The following USP45 variants were observed in gnomAD, a reference collection of about 807,000 sequenced individuals.
USP45 encodes ubiquitin specific peptidase 45, also known as ubiquitin carboxyl-terminal hydrolase 45.
In USP45, 89 loss-of-function variants were observed where a neutral mutation model predicts 95.8. The ratio of observed to expected loss-of-function variants is 0.93; its 90% CI spans 0.78 to 1.11. USP45 has a LOEUF of 1.11. Ranked by LOEUF, USP45 falls within the 50% of genes least tolerant of loss-of-function variation. The pLI is 0.00. For synonymous variants in USP45, 281 were observed against 316.2 expected, an observed-to-expected ratio of 0.89 and a Z score of 1.18; for missense variants, 898 against 942.5, an observed-to-expected ratio of 0.95 and a Z score of 0.62.
rs1582910821 is a variant in USP45 at position 99,435,478 on chromosome 6, T to C, written c.*238A>G. The C allele has an allele frequency of 3.1e-6, 1 of 323,338 alleles. No homozygotes were observed. The highest frequency in any genetic ancestry group is 5.6e-6 in the Non-Finnish European group (1 of 180,128). The allele number at this position is 323,338 out of a possible 1,614,324, so 20.0% of individuals were successfully genotyped here. ...TCCTACTGTAAATTCTGGGAAGTTT[T>C]TGTACCCCAGAATAAATACCTGGAA... On this transcript the variant is annotated 3_prime_UTR_variant, in exon 18 of 18. Transcript: ENST00000500704.
chr6:99,510,223 G>A lies in USP45; in HGVS notation c.-3C>T. Reference sequence around the variant, plus strand: ...TTAGTTGGATCTTTCACCCGCATCTGTTATTTACTGAAGGGATTGAGGGAA... The same window carrying A: ...TTAGTTGGATCTTTCACCCGCATCTATTATTTACTGAAGGGATTGAGGGAA... On this transcript the variant is annotated 5_prime_UTR_variant, in exon 2 of 18. Transcript: ENST00000500704. 6.2e-7 allele frequency: 1 copy of A among 1,612,254 alleles called. No individual in the cohort carries two copies. The highest frequency in any genetic ancestry group is 8.5e-7 in the Non-Finnish European group (1 of 1,178,872).
chr6:99,437,171 ATAACT>A, intron 17 of USP45, 70 bp downstream of exon 17: 1 of 1,449,072 alleles, frequency 6.9e-7, no homozygotes, highest in Non-Finnish European at 9.3e-7. Flanking sequence ...CTATGAAATA[ATAACT>A]TAGCTCTCCC....
intron 8 of USP45, among the ~76,000 whole-genome samples, chr6:99,481,670 C>G (rs1054449036): frequency 7.9e-5 from 12 of 152,248 alleles, no homozygotes; most frequent in African/African-American, 2.9e-4. Flanking sequence ...CTCCCTCAAT[C>G]TCTCCCACCT....
chr6:99,504,752 G>C (rs1397352987), intron 4 of USP45, among the ~76,000 whole-genome samples: 2 of 152,124 alleles, frequency 1.3e-5, no homozygotes, highest in East Asian at 3.9e-4. Flanking sequence ...ACATTTGACA[G>C]TTTTGGTTCT....
chr6:99,435,606 G>T lies in USP45; in HGVS notation c.*110C>A. On this transcript the variant is annotated 3_prime_UTR_variant, in exon 18 of 18. Coordinates refer to ENST00000500704, the MANE Select transcript of USP45 (RefSeq NM_001346022.3). ...GTGAAAAAGTTCAGGACCATTTGAG[G>T]AACATGCTATTCCTACAGAAGAGGG... The T allele has an allele frequency of 1.1e-6, 1 of 911,136 alleles. No individual in the cohort carries two copies. 56.4% of individuals were successfully genotyped at this position (911,136 alleles called of 1,614,324 possible).
At chr6:99,487,633 C>CAAAAAAAAAA (rs11335830) in intron 7 of USP45, among the ~76,000 whole-genome samples, 15 of 106,368 alleles carry the variant, frequency 1.4e-4, no homozygotes, top group East Asian at 5.7e-4. Context: ...ACTAAAAATA[C>CAAAAAAAAAA]AAAAAAAAAA....
At chr6:99,451,384 C>T (rs144703338) in intron 13 of USP45, among the ~76,000 whole-genome samples, 22,309 of 152,110 alleles carry the variant, frequency 0.15, 2,350 homozygotes, top group Non-Finnish European at 0.21. Context: ...TTCTTATACA[C>T]CAATAATAGA....
At chr6:99,517,779 G>C (rs921253125), upstream of USP45, among the ~76,000 whole-genome samples, 9 of 151,500 alleles carry the variant, frequency 5.9e-5, no homozygotes, top group Non-Finnish European at 1.3e-4. Flanking sequence ...CAGATATCAA[G>C]TATATATTTT....
At chr6:99,457,654 A>C (rs1044860375) in intron 13 of USP45, among the ~76,000 whole-genome samples, 7 of 152,228 alleles carry the variant, frequency 4.6e-5, no homozygotes, top group Admixed American at 1.3e-4. Context: ...ATAACTAATA[A>C]AAATAGCTGT....
chr6:99,444,196 G>A (rs1782051408), intron 14 of USP45, among the ~76,000 whole-genome samples: 1 of 151,922 alleles, frequency 6.6e-6, no homozygotes, highest in Non-Finnish European at 1.5e-5. Flanking sequence ...AACGTTTTTT[G>A]TAGACATGGG....
At chr6:99,492,196 T>C (rs1389390718) in intron 5 of USP45, among the ~76,000 whole-genome samples, 2 of 152,092 alleles carry the variant, frequency 1.3e-5, no homozygotes, top group Non-Finnish European at 2.9e-5. Flanking sequence ...GAAAAACAGA[T>C]TTTCCCCCTC....
intron 9 of USP45, among the ~76,000 whole-genome samples, chr6:99,469,586 C>A (rs1177681495): frequency 1.3e-5 from 2 of 149,940 alleles, no homozygotes; most frequent in African/African-American, 4.9e-5. Context: ...TTCAAGTGAT[C>A]CTACTGCCTC....
chr6:99,484,670 C>T (rs756901373), intron 7 of USP45, among the ~76,000 whole-genome samples: 4 of 151,926 alleles, frequency 2.6e-5, no homozygotes, highest in South Asian at 2.1e-4. Context: ...TGTAGTGGCA[C>T]GTGCCTGCAG....
chr6:99,469,096 T>C (rs1248310926), intron 9 of USP45, among the ~76,000 whole-genome samples: 1 of 152,166 alleles, frequency 6.6e-6, no homozygotes, highest in Non-Finnish European at 1.5e-5. Context: ...CTCATTTATA[T>C]ACACATATAA....
rs1562282384 is a variant in USP45, at chr6:99,433,311, CTTTAA to C, written c.*2400_*2404del. ...CAGTTTCTAAATAAAGCTAATGAAA[CTTTAA>C]TTCATTCAAACACTATGGTAGTTAT... On this transcript the variant is annotated 3_prime_UTR_variant, in exon 18 of 18. Coordinates refer to ENST00000500704, the MANE Select transcript of USP45 (RefSeq NM_001346022.3). 1.3e-5 allele frequency: 2 copies of C among 152,528 alleles called. No individual in the cohort carries two copies. The highest frequency in any genetic ancestry group is 2.9e-5 in the Non-Finnish European group (2 of 67,988). The allele number at this position is 152,528 out of a possible 1,614,324, so 9.4% of individuals were successfully genotyped here. A position where few individuals can be genotyped will look rare whatever the true frequency, so the allele number is the denominator to read the frequency against.
At chr6:99,510,033 C>T in intron 2 of USP45, 88 bp downstream of exon 2, 1 of 986,692 alleles carries the variant, frequency 1.0e-6, no homozygotes, top group Non-Finnish European at 1.6e-6. Context: ...CAAGTTGATC[C>T]TCAGCGTTCA....
At chr6:99,500,781 C>T (rs1797202103) in intron 5 of USP45, among the ~76,000 whole-genome samples, 1 of 152,132 alleles carries the variant, frequency 6.6e-6, no homozygotes, top group Admixed American at 6.6e-5. Flanking sequence ...AGTATGCCTG[C>T]TGCAGAACAG....
intron 1 of USP45, among the ~76,000 whole-genome samples, chr6:99,511,420 TG>T (rs1799760033): frequency 6.6e-6 from 1 of 152,072 alleles, no homozygotes; most frequent in African/African-American, 2.4e-5. Context: ...CCCAAAGTGC[TG>T]GGATTACAGG....
At chr6:99,503,048 AC>A (rs1421164398) in intron 5 of USP45, among the ~76,000 whole-genome samples, 1 of 152,242 alleles carries the variant, frequency 6.6e-6, no homozygotes, top group African/African-American at 2.4e-5. Flanking sequence ...TAATACAGGT[AC>A]TATGCAAGTA....
Sources: allele counts gnomAD v4.1 joint callset (sites outside exome capture counted in the v4.1 genomes callset), GRCh38; gene constraint gnomAD v4.1.1; transcripts MANE v1.5; gene names NCBI Gene and HGNC (gene_info 2026-07-23, HGNC 2026-07-21).